The following COL5A2 variants were observed in gnomAD, a reference collection of about 807,000 sequenced individuals.
The protein encoded by COL5A2 is collagen type V alpha 2 chain.
In COL5A2, 23 loss-of-function variants were observed where a neutral mutation model predicts 208.2. The observed-to-expected ratio is 0.11, with a 90% CI of 0.08 to 0.16. The LOEUF is 0.16. Ranked by LOEUF, COL5A2 falls within the 10% of genes least tolerant of loss-of-function variation. The pLI, the probability that COL5A2 is intolerant of heterozygous loss-of-function variation, is 1.00. For synonymous variants in COL5A2, 625 were observed against 628.5 expected, an observed-to-expected ratio of 0.99 and a Z score of 0.08; for missense variants, 1,590 against 1,956.4, an observed-to-expected ratio of 0.81 and a Z score of 3.53.
chr2:189,103,487 T>C (rs774588198), intron 3 of COL5A2, among the ~76,000 whole-genome samples: 16 of 152,084 alleles, frequency 1.1e-4, no homozygotes, highest in Admixed American at 2.0e-4. Flanking sequence ...AGCAACAGTT[T>C]CTACTGCCTT....
chr2:189,152,610 C>G (rs974051760), intron 1 of COL5A2, among the ~76,000 whole-genome samples: 9 of 152,256 alleles, frequency 5.9e-5, no homozygotes, highest in South Asian at 4.1e-4. Context: ...TGCTCCACCC[C>G]CTGGGAAAAT....
intron 1 of COL5A2, among the ~76,000 whole-genome samples, chr2:189,190,827 A>G (rs1399748374): frequency 2.0e-5 from 3 of 152,214 alleles, no homozygotes; most frequent in African/African-American, 7.2e-5. Flanking sequence ...TTTATATGCA[A>G]ATCAATGTAA....
chr2:189,373,199 C>T, the COL5A2 span, among the ~76,000 whole-genome samples: 1 of 152,120 alleles, frequency 6.6e-6, no homozygotes, highest in Non-Finnish European at 1.5e-5. Flanking sequence ...ATTAATATCT[C>T]AGCAGGGAAA....
the COL5A2 span, among the ~76,000 whole-genome samples, chr2:189,403,521 T>G: frequency 6.6e-6 from 1 of 152,210 alleles, no homozygotes; most frequent in African/African-American, 2.4e-5. Context: ...TGCTTTAAGC[T>G]TTTGCCCATT....
At chr2:189,094,366 C>T (rs72906336) in intron 6 of COL5A2, among the ~76,000 whole-genome samples, 1 of 151,860 alleles carries the variant, frequency 6.6e-6, no homozygotes, top group East Asian at 1.9e-4. Context: ...TCCAAGTGAG[C>T]TGAATTACAT....
chr2:189,276,721 T>C, the COL5A2 span, among the ~76,000 whole-genome samples: 13 of 152,142 alleles, frequency 8.5e-5, no homozygotes, highest in Non-Finnish European at 1.9e-4. Context: ...TTCTGGAAAA[T>C]AGCATCAGAA....
chr2:189,284,482 G>C, the COL5A2 span, among the ~76,000 whole-genome samples: 3 of 152,088 alleles, frequency 2.0e-5, no homozygotes, highest in Non-Finnish European at 4.4e-5. Flanking sequence ...GAGAGACAGA[G>C]AGAAGGGGGA....
the COL5A2 span, among the ~76,000 whole-genome samples, chr2:189,406,557 T>C: frequency 6.6e-6 from 1 of 152,188 alleles, no homozygotes; most frequent in African/African-American, 2.4e-5. Context: ...CCAGAAAATG[T>C]ACTTCTTTGG....
chr2:189,410,229 A>T, the COL5A2 span, among the ~76,000 whole-genome samples: 5 of 152,148 alleles, frequency 3.3e-5, no homozygotes, highest in African/African-American at 1.2e-4. Context: ...GTCTAATTAA[A>T]TTATTTCCAT....
chr2:189,396,316 G>T, the COL5A2 span, among the ~76,000 whole-genome samples: 19 of 152,284 alleles, frequency 1.2e-4, no homozygotes, highest in Non-Finnish European at 2.4e-4. Flanking sequence ...ATAGTGAAAA[G>T]AAATAGGCTT....
chr2:189,214,565 T>G (rs971103091), intron 1 of COL5A2, among the ~76,000 whole-genome samples: 1 of 152,164 alleles, frequency 6.6e-6, no homozygotes, highest in Non-Finnish European at 1.5e-5. Context: ...TTATTAAAAT[T>G]TCTCTATCTT....
intron 1 of COL5A2, among the ~76,000 whole-genome samples, chr2:189,141,938 G>A (rs754704103): frequency 2.6e-5 from 4 of 152,066 alleles, no homozygotes; most frequent in Non-Finnish European, 2.9e-5. Flanking sequence ...TATTTAAGAT[G>A]TTTTATGGAT....
the COL5A2 span, among the ~76,000 whole-genome samples, chr2:189,354,737 T>G: frequency 5.9e-5 from 9 of 152,108 alleles, no homozygotes; most frequent in Non-Finnish European, 5.9e-5. Context: ...CCAACTCCTG[T>G]ATTCATTGAT....
the COL5A2 span, among the ~76,000 whole-genome samples, chr2:189,423,206 A>G: frequency 6.6e-6 from 1 of 152,100 alleles, no homozygotes; most frequent in Non-Finnish European, 1.5e-5. Context: ...TCTACACTGA[A>G]AATCATATCA....
chr2:189,081,496 C>A (rs73978835), intron 12 of COL5A2, among the ~76,000 whole-genome samples: 2,676 of 152,164 alleles, frequency 0.018, 25 homozygotes, highest in Non-Finnish European at 0.02. Flanking sequence ...GATTAAATGT[C>A]TTTGTAGCAA....
chr2:189,122,095 G>A (rs1270051792), intron 1 of COL5A2, among the ~76,000 whole-genome samples: 1 of 152,156 alleles, frequency 6.6e-6, no homozygotes, highest in Admixed American at 6.5e-5. Flanking sequence ...TTAGAGGAAA[G>A]TTTATAAAGT....
the COL5A2 span, among the ~76,000 whole-genome samples, chr2:189,340,682 AT>A: frequency 5.3e-5 from 8 of 152,216 alleles, no homozygotes; most frequent in Non-Finnish European, 2.9e-5. Flanking sequence ...AGGGGATTGA[AT>A]AGTTTTCATT....
the COL5A2 span, among the ~76,000 whole-genome samples, chr2:189,416,893 T>A: frequency 6.6e-6 from 1 of 152,212 alleles, no homozygotes; most frequent in African/African-American, 2.4e-5. Flanking sequence ...GGACTTTTGT[T>A]CAATGCATAA....
the COL5A2 span, among the ~76,000 whole-genome samples, chr2:189,260,628 G>C: frequency 6.6e-6 from 1 of 152,192 alleles, no homozygotes; most frequent in Non-Finnish European, 1.5e-5. Flanking sequence ...CAAAAATAAA[G>C]TCGGGTTTTT....
Sources: gnomAD v4.1 joint callset for allele counts (sites outside exome capture counted in the v4.1 genomes callset) on GRCh38, gnomAD v4.1.1 for gene constraint, MANE v1.5 for transcripts, NCBI Gene and HGNC (gene_info 2026-07-23, HGNC 2026-07-21) for gene names.